Variants in ST3GAL1 observed in about 807,000 individuals in gnomAD.
ST3GAL1 encodes ST3 beta-galactoside alpha-2,3-sialyltransferase 1.
A neutral mutation model predicts 34.1 loss-of-function variants in ST3GAL1; 16 were observed. The ratio of observed to expected loss-of-function variants is 0.47; its 90% CI spans 0.32 to 0.71. The LOEUF is 0.71. ST3GAL1 is among the 30% of genes least tolerant of loss of function. ST3GAL1 has a pLI of 0.04. For missense variants in ST3GAL1, 353 were observed against 447.4 expected, an observed-to-expected ratio of 0.79 and a Z score of 1.90; for synonymous variants, 191 against 184.7, an observed-to-expected ratio of 1.03 and a Z score of -0.28.
At chr8:133,501,539 G>C (rs931162700) in intron 2 of ST3GAL1, among the ~76,000 whole-genome samples, 2 of 147,096 alleles carry the variant, frequency 1.4e-5, no homozygotes, top group Non-Finnish European at 3.0e-5. Context: ...CTTGAGGTTA[G>C]GAGTTCAAAG....
At chr8:133,474,543 A>G (rs1237368743) in intron 5 of ST3GAL1, among the ~76,000 whole-genome samples, 1 of 152,200 alleles carries the variant, frequency 6.6e-6, no homozygotes, top group Non-Finnish European at 1.5e-5. Flanking sequence ...TGCACTTACA[A>G]GAAATCCCAG....
intron 2 of ST3GAL1, among the ~76,000 whole-genome samples, chr8:133,506,113 T>C (rs188724495): frequency 6.6e-6 from 1 of 152,220 alleles, no homozygotes; most frequent in African/African-American, 2.4e-5. Context: ...ACATAGAGCA[T>C]TTCCATCATC....
chr8:133,497,867 G>A (rs1300975694), intron 3 of ST3GAL1, among the ~76,000 whole-genome samples: 1 of 152,188 alleles, frequency 6.6e-6, no homozygotes, highest in Non-Finnish European at 1.5e-5. Flanking sequence ...AGCAGCCACT[G>A]TGATGGTAGT....
chr8:133,569,887 G>T (rs1030112163), intron 1 of ST3GAL1, among the ~76,000 whole-genome samples: 2 of 152,260 alleles, frequency 1.3e-5, no homozygotes, highest in African/African-American at 4.8e-5. Flanking sequence ...AACAGGCCAG[G>T]AGTAGAGCCC....
At chr8:133,548,179 C>G (rs952101796) in intron 1 of ST3GAL1, among the ~76,000 whole-genome samples, 3 of 152,310 alleles carry the variant, frequency 2.0e-5, no homozygotes, top group Non-Finnish European at 4.4e-5. Context: ...AGGCACGATG[C>G]TCACTGCCAC....
chr8:133,497,456 A>ATTTTTTTTTTT (rs1159737986), intron 3 of ST3GAL1, among the ~76,000 whole-genome samples: 2 of 20,382 alleles, frequency 9.8e-5, no homozygotes, highest in African/African-American at 2.2e-4. Flanking sequence ...TTTTGTTGGA[A>ATTTTTTTTTTT]TTTTTTTTTT....
intron 2 of ST3GAL1, chr8:133,539,816 A>C (rs1174320366): frequency 1.3e-5 from 2 of 152,204 alleles, no homozygotes; most frequent in Admixed American, 1.3e-4. Flanking sequence ...GGATCGCTTG[A>C]GCCTGGAAGG....
At chr8:133,526,992 A>T (rs909956959) in intron 2 of ST3GAL1, among the ~76,000 whole-genome samples, 1 of 152,160 alleles carries the variant, frequency 6.6e-6, no homozygotes, top group East Asian at 1.9e-4. Flanking sequence ...AGACAAGAAA[A>T]CAGAGGGTCA....
chr8:133,569,544 CAGAG>C (rs1193559783), intron 1 of ST3GAL1, among the ~76,000 whole-genome samples: 2 of 152,076 alleles, frequency 1.3e-5, no homozygotes, highest in African/African-American at 4.8e-5. Flanking sequence ...GAGACAGAGA[CAGAG>C]AGACGGGAGA....
At chr8:133,543,159 A>C (rs1818581049) in intron 2 of ST3GAL1, among the ~76,000 whole-genome samples, 1 of 152,252 alleles carries the variant, frequency 6.6e-6, no homozygotes, top group Admixed American at 6.5e-5. Flanking sequence ...AAAAGGACAC[A>C]TCAGCTCTGG....
intron 2 of ST3GAL1, among the ~76,000 whole-genome samples, chr8:133,530,600 A>G (rs1311835893): frequency 6.6e-6 from 1 of 152,146 alleles, no homozygotes; most frequent in Non-Finnish European, 1.5e-5. Flanking sequence ...CCTTCTTAGC[A>G]TACTCCAATG....
At chr8:133,487,174 C>T (rs1024376922) in intron 3 of ST3GAL1, among the ~76,000 whole-genome samples, 7 of 152,054 alleles carry the variant, frequency 4.6e-5, no homozygotes, top group African/African-American at 1.7e-4. Flanking sequence ...CTCCTGACCT[C>T]GTGATCTGCC....
intron 3 of ST3GAL1, among the ~76,000 whole-genome samples, chr8:133,489,226 GC>G (rs1045135502): frequency 5.3e-5 from 8 of 151,924 alleles, no homozygotes; most frequent in African/African-American, 1.9e-4. Context: ...CCCCTCCACT[GC>G]CCACTTTGAA....
At chr8:133,479,262 T>C (rs902602452) in intron 3 of ST3GAL1, among the ~76,000 whole-genome samples, 2 of 151,520 alleles carry the variant, frequency 1.3e-5, no homozygotes, top group African/African-American at 4.9e-5. Flanking sequence ...CAGGCATCAA[T>C]AGGGCCCCAG....
At chr8:133,492,268 A>G (rs901436263) in intron 3 of ST3GAL1, among the ~76,000 whole-genome samples, 1 of 151,978 alleles carries the variant, frequency 6.6e-6, no homozygotes, top group African/African-American at 2.4e-5. Flanking sequence ...CCCCAAGTGC[A>G]CCCCCAGCTC....
At chr8:133,474,072 C>T (rs1816067762) in intron 5 of ST3GAL1, among the ~76,000 whole-genome samples, 2 of 152,218 alleles carry the variant, frequency 1.3e-5, no homozygotes, top group African/African-American at 4.8e-5. Flanking sequence ...GAAGCATAGC[C>T]CAGGGCTTTT....
chr8:133,476,045 C>T lies in ST3GAL1; in HGVS notation c.-21G>A. On this transcript the variant is annotated 5_prime_UTR_variant, in exon 5 of 10. Coordinates refer to ENST00000522652, the MANE Select transcript of ST3GAL1 (RefSeq NM_173344.3). ...ACCATCTTCGCAGTCCTGATGGTGG[C>T]CTCCCACGATGGGTAGCAGGAACTC... 6.5e-7 allele frequency: 1 copy of T among 1,539,160 alleles called. No homozygotes were observed.
intron 1 of ST3GAL1, among the ~76,000 whole-genome samples, chr8:133,561,235 T>C (rs1041116411): frequency 1.3e-5 from 2 of 151,946 alleles, no homozygotes; most frequent in Non-Finnish European, 2.9e-5. Flanking sequence ...TTGCTTGACT[T>C]TGACTCCATC....
intron 1 of ST3GAL1, among the ~76,000 whole-genome samples, chr8:133,566,526 A>C (rs1323035320): frequency 1.3e-5 from 2 of 152,056 alleles, no homozygotes; most frequent in Non-Finnish European, 2.9e-5. Context: ...GGGGCCCTGC[A>C]TCCCCCGCAT....
Sources: gnomAD v4.1 joint callset for allele counts (sites outside exome capture counted in the v4.1 genomes callset) on GRCh38, gnomAD v4.1.1 for gene constraint, MANE v1.5 for transcripts, NCBI Gene and HGNC (gene_info 2026-07-23, HGNC 2026-07-21) for gene names.